Variants in XKR4 observed in about 807,000 individuals in gnomAD.
XKR4 encodes the protein XK related 4, also known as XK-related protein 4.
XKR4 carries 12 observed loss-of-function variants against 53.9 expected under a neutral mutation model. The observed-to-expected ratio is 0.22, with a 90% CI of 0.14 to 0.36. XKR4 has a LOEUF of 0.36. XKR4 is among the 10% of genes least tolerant of loss of function. The pLI is 1.00. For synonymous variants in XKR4, 354 were observed against 362.4 expected, an observed-to-expected ratio of 0.98 and a Z score of 0.26; for missense variants, 799 against 859.5, an observed-to-expected ratio of 0.93 and a Z score of 0.88.
At chr8:55,137,254 GA>G (rs919114225) in intron 1 of XKR4, among the ~76,000 whole-genome samples, 36 of 145,226 alleles carry the variant, frequency 2.5e-4, no homozygotes, top group East Asian at 8.0e-4. Context: ...GAGAGGAGGG[GA>G]AAAAAAAAAG....
At chr8:55,253,226 A>G (rs1818385039) in intron 1 of XKR4, among the ~76,000 whole-genome samples, 1 of 150,578 alleles carries the variant, frequency 6.6e-6, no homozygotes, top group Non-Finnish European at 1.5e-5. Flanking sequence ...TTCCTTCCTC[A>G]GCTCCATGGT....
At chr8:55,424,136 G>A (rs1037848079) in intron 2 of XKR4, among the ~76,000 whole-genome samples, 1 of 152,156 alleles carries the variant, frequency 6.6e-6, no homozygotes, top group Non-Finnish European at 1.5e-5. Context: ...AGATCACCTC[G>A]GGGCATTGCC....
chr8:55,479,124 T>C (rs1335827907), intron 2 of XKR4, among the ~76,000 whole-genome samples: 1 of 152,026 alleles, frequency 6.6e-6, no homozygotes, highest in African/African-American at 2.4e-5. Context: ...ACCACACCTA[T>C]TCCAAAAGTG....
At chr8:55,333,924 A>T (rs1463892014) in intron 1 of XKR4, among the ~76,000 whole-genome samples, 1 of 152,158 alleles carries the variant, frequency 6.6e-6, no homozygotes, top group Non-Finnish European at 1.5e-5. Context: ...TTTTCTCTTA[A>T]TGAGGAGATT....
At chr8:55,430,648 G>C (rs1805087855) in intron 2 of XKR4, among the ~76,000 whole-genome samples, 3 of 152,164 alleles carry the variant, frequency 2.0e-5, no homozygotes, top group African/African-American at 7.2e-5. Flanking sequence ...GTTAGTGCTA[G>C]GACTGTCTTA....
intron 2 of XKR4, chr8:55,451,527 G>A (rs2975985): frequency 0.15 from 160,000 of 1,032,694 alleles, 15,446 homozygotes; most frequent in East Asian, 0.4. Context: ...TAAAGAGTCC[G>A]ACTACACCTA....
At position 55,382,769 on chromosome 8, in the gene XKR4, T is replaced by G. The variant is rs968580542; in HGVS notation, c.1006+24892T>G. Among the ~76,000 whole-genome samples, 7 of 151,344 alleles carry G rather than the reference T, an allele frequency of 4.6e-5. No homozygotes were observed. The East Asian group carries it at 7.7e-4, about 17-fold the overall frequency. ...TACTTGATTTCTTTTTAGCATCTGGTTTTTTTTTAACTATTCAGGATTTTA... is the reference window on the plus strand; with the variant it reads ...TACTTGATTTCTTTTTAGCATCTGGGTTTTTTTTAACTATTCAGGATTTTA... On this transcript the variant is annotated intron_variant, in intron 2 of 2. Transcript: ENST00000327381.
intron 1 of XKR4, among the ~76,000 whole-genome samples, chr8:55,103,819 C>T (rs1306870604): frequency 7.1e-6 from 1 of 140,042 alleles, no homozygotes; most frequent in Non-Finnish European, 1.5e-5. Context: ...GTGCTTTACT[C>T]AAAGTAAAGA....
intron 1 of XKR4, among the ~76,000 whole-genome samples, chr8:55,187,478 G>C (rs1383865531): frequency 1.3e-5 from 2 of 152,128 alleles, no homozygotes; most frequent in African/African-American, 4.8e-5. Flanking sequence ...TAATTAGGAA[G>C]GGGCTTTAAT....
intron 1 of XKR4, among the ~76,000 whole-genome samples, chr8:55,322,416 T>C (rs886146904): frequency 3.9e-5 from 6 of 152,240 alleles, no homozygotes; most frequent in Non-Finnish European, 8.8e-5. Flanking sequence ...AGTCATTTGC[T>C]AGTAAAAACA....
chr8:55,159,193 T>C (rs1816949939), intron 1 of XKR4, among the ~76,000 whole-genome samples: 1 of 152,228 alleles, frequency 6.6e-6, no homozygotes, highest in African/African-American at 2.4e-5. Flanking sequence ...ATTGTAGAGA[T>C]ATTTCACCAC....
At chr8:55,395,636 A>C (rs1317934169) in intron 2 of XKR4, among the ~76,000 whole-genome samples, 1 of 152,134 alleles carries the variant, frequency 6.6e-6, no homozygotes, top group Non-Finnish European at 1.5e-5. Flanking sequence ...ATGGTCATTC[A>C]CCAGAATGTG....
intron 2 of XKR4, among the ~76,000 whole-genome samples, chr8:55,427,034 A>T (rs1805026376): frequency 6.6e-6 from 1 of 152,244 alleles, no homozygotes; most frequent in Non-Finnish European, 1.5e-5. Flanking sequence ...GAATCAGGTC[A>T]GTGCCACATA....
intron 1 of XKR4, among the ~76,000 whole-genome samples, chr8:55,333,076 TTTTA>T (rs1803404265): frequency 6.6e-6 from 1 of 152,122 alleles, no homozygotes; most frequent in East Asian, 1.9e-4. Flanking sequence ...TTTTTAAAAA[TTTTA>T]TTTCTTTCTT....
intron 2 of XKR4, among the ~76,000 whole-genome samples, chr8:55,480,167 A>T (rs1450323078): frequency 1.3e-5 from 2 of 152,196 alleles, no homozygotes; most frequent in African/African-American, 2.4e-5. Flanking sequence ...ATACTGGCAA[A>T]CCGAATCCAG....
At chr8:55,347,934 A>G (rs1288304053) in intron 1 of XKR4, among the ~76,000 whole-genome samples, 4 of 152,136 alleles carry the variant, frequency 2.6e-5, no homozygotes, top group Admixed American at 1.3e-4. Flanking sequence ...TCCCTGACCA[A>G]CCTCTTTAGA....
chr8:55,300,508 A>T (rs1819176640), intron 1 of XKR4, among the ~76,000 whole-genome samples: 1 of 152,094 alleles, frequency 6.6e-6, no homozygotes, highest in Non-Finnish European at 1.5e-5. Context: ...GCAGGCATCT[A>T]AGCCTCAGAT....
intron 1 of XKR4, among the ~76,000 whole-genome samples, chr8:55,351,928 T>G (rs908166491): frequency 6.6e-6 from 1 of 152,234 alleles, no homozygotes; most frequent in African/African-American, 2.4e-5. Context: ...TTGCAAATAT[T>G]GCATGTGTTC....
chr8:55,166,151 T>C (rs1817062408), intron 1 of XKR4, among the ~76,000 whole-genome samples: 1 of 152,212 alleles, frequency 6.6e-6, no homozygotes, highest in South Asian at 2.1e-4. Flanking sequence ...GTTTCCCAAA[T>C]TGTGGCCCAA....
Sources: allele counts gnomAD v4.1 joint callset (sites outside exome capture counted in the v4.1 genomes callset), GRCh38; gene constraint gnomAD v4.1.1; transcripts MANE v1.5; gene names NCBI Gene and HGNC (gene_info 2026-07-23, HGNC 2026-07-21).